The following FSTL5 variants were observed in gnomAD, a reference collection of about 807,000 sequenced individuals.
The protein encoded by FSTL5 is follistatin-related protein 5.
FSTL5 carries 62 observed loss-of-function variants against 89.1 expected under a neutral mutation model. That is an observed-to-expected ratio of 0.70 (90% CI 0.57 to 0.86). The LOEUF (loss-of-function observed/expected upper bound fraction) is 0.86, where lower values mean the gene tolerates loss of function less well. FSTL5 is among the 40% of genes least tolerant of loss of function. The pLI, the probability that FSTL5 is intolerant of heterozygous loss-of-function variation, is 0.00. For synonymous variants in FSTL5, 383 were observed against 346.2 expected (o/e 1.11, Z -1.18); for missense variants, 1,057 against 1,001.6 (o/e 1.06, Z -0.75).
At chr4:162,052,850 G>T (rs1280154059) in intron 2 of FSTL5, among the ~76,000 whole-genome samples, 5 of 151,746 alleles carry the variant, frequency 3.3e-5, no homozygotes, top group African/African-American at 1.2e-4. Context: ...TATAGTCATT[G>T]TGTTGTATAA....
chr4:161,583,062 C>T (rs911159779), intron 8 of FSTL5, among the ~76,000 whole-genome samples: 12 of 151,918 alleles, frequency 7.9e-5, no homozygotes, highest in Non-Finnish European at 1.5e-4. Flanking sequence ...AGTAGCCAGG[C>T]GTGGTGGCGG....
intron 3 of FSTL5, among the ~76,000 whole-genome samples, chr4:161,926,271 G>A (rs1298498096): frequency 6.6e-6 from 1 of 151,808 alleles, no homozygotes; most frequent in Non-Finnish European, 1.5e-5. Context: ...ACTACTGAAC[G>A]ACAATCCTTT....
intron 6 of FSTL5, among the ~76,000 whole-genome samples, chr4:161,692,341 CGTGTGTGTGT>C (rs70937677): frequency 2.0e-5 from 3 of 148,750 alleles, no homozygotes; most frequent in Middle Eastern, 3.3e-3. Context: ...ATATGGAGAT[CGTGTGTGTGT>C]GTGTGTGTGT....
intron 7 of FSTL5, among the ~76,000 whole-genome samples, chr4:161,613,544 T>C (rs1480540091): frequency 6.6e-6 from 1 of 151,738 alleles, no homozygotes; most frequent in Non-Finnish European, 1.5e-5. Flanking sequence ...AAGAGGGCGA[T>C]TAGATAGTGT....
intron 10 of FSTL5, among the ~76,000 whole-genome samples, chr4:161,521,184 A>G (rs1731007271): frequency 1.3e-5 from 2 of 152,204 alleles, no homozygotes; most frequent in Admixed American, 1.3e-4. Flanking sequence ...TTTGATGGAT[A>G]GGCTTCTATT....
chr4:161,794,276 C>A (rs1407414398), intron 4 of FSTL5, among the ~76,000 whole-genome samples: 1 of 152,046 alleles, frequency 6.6e-6, no homozygotes, highest in Non-Finnish European at 1.5e-5. Flanking sequence ...AAGATACAGA[C>A]CCAGTTTCAG....
chr4:161,719,518 T>C (rs187554113), intron 6 of FSTL5, among the ~76,000 whole-genome samples: 10 of 152,302 alleles, frequency 6.6e-5, no homozygotes, highest in African/African-American at 2.4e-4. Context: ...CTGTAAAAAA[T>C]GCCATTAGAA....
intron 3 of FSTL5, among the ~76,000 whole-genome samples, chr4:161,967,406 G>GA (rs983381389): frequency 1.5e-4 from 22 of 148,646 alleles, no homozygotes; most frequent in Non-Finnish European, 2.5e-4. Flanking sequence ...CACAAAAATA[G>GA]AAAAAAATTA....
chr4:161,573,412 CAA>C (rs59381258), intron 8 of FSTL5, among the ~76,000 whole-genome samples: 121 of 119,670 alleles, frequency 1.0e-3, no homozygotes, highest in African/African-American at 2.0e-3. Context: ...AAAACCCTGT[CAA>C]AAAAAAAAAA....
At chr4:162,034,997 A>G (rs1488981996) in intron 2 of FSTL5, among the ~76,000 whole-genome samples, 1 of 152,126 alleles carries the variant, frequency 6.6e-6, no homozygotes, top group East Asian at 1.9e-4. Flanking sequence ...ACTTAAACTA[A>G]AATTTAAATG....
chr4:161,490,991 C>G (rs562979764), intron 12 of FSTL5, among the ~76,000 whole-genome samples: 1 of 151,962 alleles, frequency 6.6e-6, no homozygotes, highest in African/African-American at 2.4e-5. Context: ...AGCTCTGTAC[C>G]TACCTTCATT....
At chr4:161,951,795 C>T (rs1482340905) in intron 3 of FSTL5, among the ~76,000 whole-genome samples, 2 of 151,890 alleles carry the variant, frequency 1.3e-5, no homozygotes, top group African/African-American at 4.8e-5. Flanking sequence ...TTGAAATGTA[C>T]TTTGAGATTT....
chr4:161,962,048 T>C (rs767046427), intron 3 of FSTL5, among the ~76,000 whole-genome samples: 1 of 152,080 alleles, frequency 6.6e-6, no homozygotes, highest in South Asian at 2.1e-4. Flanking sequence ...TAATGTTGTA[T>C]AACTATTATA....
chr4:161,772,098 C>T (rs908163399), intron 5 of FSTL5, among the ~76,000 whole-genome samples: 1 of 151,964 alleles, frequency 6.6e-6, no homozygotes, highest in African/African-American at 2.4e-5. Context: ...AATAGACAGG[C>T]CTCTAGGTTC....
At chr4:161,480,476 G>T (rs1174783715) in intron 13 of FSTL5, among the ~76,000 whole-genome samples, 1 of 152,180 alleles carries the variant, frequency 6.6e-6, no homozygotes, top group Non-Finnish European at 1.5e-5. Context: ...CTTGAAGTAT[G>T]AATTCAGAGA....
intron 4 of FSTL5, among the ~76,000 whole-genome samples, chr4:161,779,789 ATATATATATATATATATATATG>A (rs70937686): frequency 0.012 from 628 of 50,900 alleles, 27 homozygotes; most frequent in African/African-American, 0.06. Context: ...ATATATATAT[ATATATATATATATATATATATG>A]TATATATATA....
intron 11 of FSTL5, among the ~76,000 whole-genome samples, chr4:161,505,676 T>A (rs1730453485): frequency 6.6e-6 from 1 of 152,028 alleles, no homozygotes; most frequent in African/African-American, 2.4e-5. Context: ...TACATAATTA[T>A]ATCTATGCAC....
intron 2 of FSTL5, among the ~76,000 whole-genome samples, chr4:162,093,348 G>C (rs533599997): frequency 6.6e-6 from 1 of 152,190 alleles, no homozygotes; most frequent in South Asian, 2.1e-4. Context: ...GTAGATAACA[G>C]GTCAAATGTT....
intron 3 of FSTL5, among the ~76,000 whole-genome samples, chr4:161,995,227 G>A (rs1203607320): frequency 6.6e-6 from 1 of 152,112 alleles, no homozygotes; most frequent in Non-Finnish European, 1.5e-5. Context: ...GTGTTTTTAT[G>A]CCATATATTA....
Sources: gnomAD v4.1 joint callset for allele counts (sites outside exome capture counted in the v4.1 genomes callset) on GRCh38, gnomAD v4.1.1 for gene constraint, MANE v1.5 for transcripts, NCBI Gene and HGNC (gene_info 2026-07-23, HGNC 2026-07-21) for gene names.